Variants in ADGRL2 observed in about 807,000 individuals in gnomAD.
ADGRL2 encodes the protein calcium-independent alpha-latrotoxin receptor 2.
In ADGRL2, 44 loss-of-function variants were observed where a neutral mutation model predicts 157.4. The ratio of observed to expected loss-of-function variants is 0.28; its 90% confidence interval spans 0.22 to 0.36. The LOEUF (loss-of-function observed/expected upper bound fraction) is 0.36. ADGRL2 is among the 10% of genes least tolerant of loss of function. ADGRL2 has a pLI of 1.00. For missense variants in ADGRL2, 1,510 were observed against 1,768.9 expected, an observed-to-expected ratio of 0.85 and a Z score of 2.63; for synonymous variants, 585 against 624.7, an observed-to-expected ratio of 0.94 and a Z score of 0.95.
chr1:81,806,948 G>GA (rs1263184627), intron 1 of ADGRL2, among the ~76,000 whole-genome samples: 1 of 151,960 alleles, frequency 6.6e-6, no homozygotes, highest in Non-Finnish European at 1.5e-5. Flanking sequence ...GTCTTGAAGG[G>GA]AGAGATGCGC....
At chr1:81,422,058 A>G (rs1029379052) in intron 1 of ADGRL2, among the ~76,000 whole-genome samples, 2 of 152,212 alleles carry the variant, frequency 1.3e-5, no homozygotes, top group African/African-American at 4.8e-5. Flanking sequence ...ATGAAATCAT[A>G]AAATTGTTTT....
intron 3 of ADGRL2, among the ~76,000 whole-genome samples, chr1:81,924,105 T>C (rs915103533): frequency 1.3e-5 from 2 of 152,192 alleles, no homozygotes; most frequent in African/African-American, 4.8e-5. Context: ...TCATTTGTAT[T>C]GGCTTTCTGT....
intron 1 of ADGRL2, among the ~76,000 whole-genome samples, chr1:81,325,598 G>A (rs935204137): frequency 1.3e-5 from 2 of 152,168 alleles, no homozygotes; most frequent in Admixed American, 6.5e-5. Context: ...GTAAATGAAG[G>A]TCAGCCAGCC....
At chr1:81,320,636 T>C (rs1354842656) in intron 1 of ADGRL2, among the ~76,000 whole-genome samples, 1 of 152,240 alleles carries the variant, frequency 6.6e-6, no homozygotes, top group Non-Finnish European at 1.5e-5. Context: ...ATTGTAATGA[T>C]AGTAATATTT....
At chr1:81,502,040 A>G in intron 2 of ADGRL2, 3 of 1,603,138 alleles carry the variant, frequency 1.9e-6, no homozygotes, top group Admixed American at 1.7e-5. Flanking sequence ...ACGGGGCAAC[A>G]TGAACTCAGA....
At chr1:81,598,634 C>T (rs1161456529) in intron 3 of ADGRL2, among the ~76,000 whole-genome samples, 1 of 152,146 alleles carries the variant, frequency 6.6e-6, no homozygotes, top group African/African-American at 2.4e-5. Context: ...TGCCATAACA[C>T]GTTTAAAGGA....
At position 81,990,911 on chromosome 1, in the gene ADGRL2, C is replaced by T; in HGVS notation, c.4176C>T (p.Pro1392=). Residue 1392 remains proline (P), a synonymous_variant, in exon 24 of 24, where the codon CCC becomes CCT. Transcript: ENST00000686636. ...GCATGCCCAATCTTAGAGACTCTCC[C>T]TATCCGGAGAGCAGCCCTGACATGG... The part of the protein sequence containing the change: ...YTSMPNLRDS[P]YPESSPDMEE... 1.2e-6 allele frequency: 2 copies of T among 1,613,936 alleles called. No homozygotes were observed. The highest frequency in any genetic ancestry group is 8.5e-7 in the Non-Finnish European group (1 of 1,179,980).
intron 2 of ADGRL2, among the ~76,000 whole-genome samples, chr1:81,773,926 T>C (rs903117253): frequency 5.3e-5 from 8 of 152,056 alleles, no homozygotes; most frequent in African/African-American, 1.9e-4. Flanking sequence ...ATATGACTGG[T>C]GGCCTTATAG....
chr1:81,527,959 C>CG (rs1390532516), intron 2 of ADGRL2, among the ~76,000 whole-genome samples: 28 of 151,762 alleles, frequency 1.8e-4, no homozygotes, highest in Admixed American at 1.0e-3. Flanking sequence ...CCCAGCTACT[C>CG]GGGGGGCTGA....
chr1:81,778,207 A>G (rs1327857178), intron 2 of ADGRL2, among the ~76,000 whole-genome samples: 1 of 109,288 alleles, frequency 9.2e-6, no homozygotes, highest in Non-Finnish European at 1.8e-5. Context: ...TTGTAGTCCC[A>G]GCTCCTCGGG....
At chr1:81,771,689 A>C (rs544095859) in intron 2 of ADGRL2, among the ~76,000 whole-genome samples, 33 of 120,998 alleles carry the variant, frequency 2.7e-4, no homozygotes, top group Admixed American at 1.0e-3. Context: ...TTTGAATCAA[A>C]AGAAAATCCC....
At chr1:81,766,336 A>G (rs1283918136) in intron 2 of ADGRL2, among the ~76,000 whole-genome samples, 2 of 152,142 alleles carry the variant, frequency 1.3e-5, no homozygotes, top group East Asian at 3.8e-4. Flanking sequence ...CAACTTTCCT[A>G]AACAATATCG....
intron 2 of ADGRL2, among the ~76,000 whole-genome samples, chr1:81,858,748 A>G (rs1201570333): frequency 6.6e-6 from 1 of 152,202 alleles, no homozygotes; most frequent in African/African-American, 2.4e-5. Flanking sequence ...CTGAAAAAAA[A>G]TCATTTGCAA....
intron 1 of ADGRL2, among the ~76,000 whole-genome samples, chr1:81,324,508 C>CAA (rs774902261): frequency 2.8e-5 from 3 of 108,416 alleles, no homozygotes; most frequent in East Asian, 2.6e-4. Context: ...GACCCTGTCT[C>CAA]AAAAAAAAAA....
chr1:81,434,202 C>T (rs372699999), intron 1 of ADGRL2, among the ~76,000 whole-genome samples: 21 of 152,318 alleles, frequency 1.4e-4, no homozygotes, highest in East Asian at 7.7e-4. Flanking sequence ...GATACCATCC[C>T]TGATCTACCA....
intron 3 of ADGRL2, among the ~76,000 whole-genome samples, chr1:81,668,414 C>CA (rs67441939): frequency 0.049 from 6,129 of 126,112 alleles, 156 homozygotes; most frequent in East Asian, 0.089. Context: ...GTAACACTGT[C>CA]AAAAAAAAAA....
At chr1:81,631,492 C>A (rs1175198816) in intron 3 of ADGRL2, among the ~76,000 whole-genome samples, 1 of 152,144 alleles carries the variant, frequency 6.6e-6, no homozygotes, top group Non-Finnish European at 1.5e-5. Context: ...CAGGCATGAA[C>A]CACTATGCCC....
chr1:81,503,451 C>T lies in ADGRL2; in HGVS notation c.-248+58362C>T, dbSNP rs538684728. On this transcript the variant is annotated intron_variant, in intron 2 of 24. Coordinates refer to the ADGRL2 transcript ENST00000370721. ...GGGGCACCCCCAGCGCAGAGCCCTC[C>T]ACCAGCTGGTCCCTCTGATGGGCAG... The T allele has an allele frequency of 3.7e-6, 6 of 1,612,514 alleles. No homozygotes were observed. In the African/African-American group the frequency reaches 4.0e-5, roughly 11 times the overall value.
chr1:81,571,288 G>T (rs1245365760), intron 2 of ADGRL2, among the ~76,000 whole-genome samples: 1 of 150,644 alleles, frequency 6.6e-6, no homozygotes, highest in Non-Finnish European at 1.5e-5. Context: ...TCATGCCACT[G>T]CATGTAGCCT....
Sources: allele counts gnomAD v4.1 joint callset (sites outside exome capture counted in the v4.1 genomes callset), GRCh38; gene constraint gnomAD v4.1.1; transcripts MANE v1.5; gene names NCBI Gene and HGNC (gene_info 2026-07-23, HGNC 2026-07-21).